Variants in KCNAB1 observed in about 807,000 individuals in gnomAD.
KCNAB1 encodes voltage-gated potassium channel subunit beta-1.
Under a neutral mutation model 64.6 loss-of-function variants are expected in KCNAB1, and 35 were observed. That is an observed-to-expected ratio of 0.54 (90% confidence interval 0.41 to 0.72). The LOEUF is 0.72. Ranked by LOEUF, KCNAB1 falls within the 30% of genes least tolerant of loss-of-function variation. The probability of loss-of-function intolerance (pLI) is 0.00; values close to 1 mark genes in which losing one functional copy is unlikely to be tolerated. For synonymous variants in KCNAB1, 177 were observed against 183.8 expected (o/e 0.96, Z 0.30); for missense variants, 401 against 512.9 (o/e 0.78, Z 2.11).
At chr3:156,410,029 GA>G in intron 1 of KCNAB1, among the ~76,000 whole-genome samples, 1 of 152,272 alleles carries the variant, frequency 6.6e-6, no homozygotes, top group Non-Finnish European at 1.5e-5. Context: ...TGCTGGATTA[GA>G]AAAGAAAACA....
At chr3:156,184,254 TCCGTAA>T (rs995757208) in intron 1 of KCNAB1, among the ~76,000 whole-genome samples, 5 of 152,226 alleles carry the variant, frequency 3.3e-5, no homozygotes, top group African/African-American at 1.2e-4. Context: ...CTGCCTCTAT[TCCGTAA>T]CCACCTTCCA....
intron 1 of KCNAB1, among the ~76,000 whole-genome samples, chr3:156,200,123 C>A (rs1310630717): frequency 6.6e-6 from 1 of 152,196 alleles, no homozygotes; most frequent in African/African-American, 2.4e-5. Context: ...CCACTCCAGA[C>A]CCTGTTTGCC....
intron 4 of KCNAB1, among the ~76,000 whole-genome samples, chr3:156,459,438 T>C (rs1345324875): frequency 6.6e-6 from 1 of 152,134 alleles, no homozygotes; most frequent in African/African-American, 2.4e-5. Flanking sequence ...TGAGGTGTCA[T>C]TGTTCTCCAT....
At chr3:156,217,738 A>G (rs1180608732) in intron 1 of KCNAB1, among the ~76,000 whole-genome samples, 1 of 152,208 alleles carries the variant, frequency 6.6e-6, no homozygotes, top group East Asian at 1.9e-4. Context: ...GATGGCAAAT[A>G]CCTGTTATGG....
In KCNAB1 at chr3:156,479,592, T is replaced by C. The variant is rs9821636; in HGVS notation, c.658+4772T>C. ...CAGCAAGAAGAGGGGACACACTAAC[T>C]TTTCGATCTGAAAATATGATTTTTA... is the stretch of plus-strand genomic sequence containing the variant. On this transcript the variant is annotated intron_variant, in intron 8 of 13. Transcript: ENST00000490337. Among the ~76,000 whole-genome samples, 1,153 of 152,254 alleles carry C rather than the reference T, an allele frequency of 7.6e-3. 15 individuals carry two copies. The highest frequency in any genetic ancestry group is 0.026 in the African/African-American group (1,087 of 41,562).
intron 8 of KCNAB1, among the ~76,000 whole-genome samples, chr3:156,500,281 G>A (rs1281363042): frequency 1.4e-4 from 21 of 152,228 alleles, no homozygotes; most frequent in Admixed American, 1.4e-3. Context: ...TAGCAGAGTG[G>A]AGGGTTAGAC....
At chr3:156,291,778 G>A in intron 1 of KCNAB1, 2 of 1,510,358 alleles carry the variant, frequency 1.3e-6, no homozygotes, top group Non-Finnish European at 1.8e-6. Flanking sequence ...GGACTCCTCT[G>A]ACGGCATCCC....
intron 2 of KCNAB1, among the ~76,000 whole-genome samples, chr3:156,451,834 C>G (rs1216144766): frequency 1.3e-5 from 2 of 152,036 alleles, no homozygotes; most frequent in African/African-American, 4.8e-5. Context: ...AATGTCTGTC[C>G]CTTTCTTCTT....
At chr3:156,450,960 GA>G (rs1711957993) in intron 2 of KCNAB1, among the ~76,000 whole-genome samples, 1 of 143,948 alleles carries the variant, frequency 6.9e-6, no homozygotes, top group South Asian at 2.2e-4. Context: ...TTTACACTAA[GA>G]AAAATATCAG....
At chr3:156,197,876 A>G (rs958111107) in intron 1 of KCNAB1, among the ~76,000 whole-genome samples, 1 of 151,888 alleles carries the variant, frequency 6.6e-6, no homozygotes, top group East Asian at 1.9e-4. Context: ...TTTAATTGCG[A>G]TGTTAGGGTG....
intron 1 of KCNAB1, among the ~76,000 whole-genome samples, chr3:156,405,613 T>G (rs1249262500): frequency 6.6e-6 from 1 of 152,252 alleles, no homozygotes; most frequent in Non-Finnish European, 1.5e-5. Context: ...ATTATTTATA[T>G]TTTTAGTGAC....
intron 1 of KCNAB1, among the ~76,000 whole-genome samples, chr3:156,316,503 T>C (rs1005180128): frequency 2.0e-5 from 3 of 152,236 alleles, no homozygotes; most frequent in Non-Finnish European, 4.4e-5. Context: ...GGGAACTGAT[T>C]GTACTGTACT....
chr3:156,181,634 T>A (rs1712827113), intron 1 of KCNAB1, among the ~76,000 whole-genome samples: 1 of 152,146 alleles, frequency 6.6e-6, no homozygotes, highest in Non-Finnish European at 1.5e-5. Flanking sequence ...GGTAGGTACA[T>A]GAACACAGTG....
chr3:156,398,966 C>A (rs1407691401), intron 1 of KCNAB1, among the ~76,000 whole-genome samples: 1 of 152,190 alleles, frequency 6.6e-6, no homozygotes, highest in African/African-American at 2.4e-5. Context: ...ATTGGCCACC[C>A]AGATGTGTTC....
intron 1 of KCNAB1, among the ~76,000 whole-genome samples, chr3:156,333,117 T>A (rs1723454566): frequency 6.6e-6 from 1 of 152,180 alleles, no homozygotes; most frequent in African/African-American, 2.4e-5. Flanking sequence ...TCCTTCGTCC[T>A]GTCTTACCCT....
intron 1 of KCNAB1, among the ~76,000 whole-genome samples, chr3:156,389,002 C>T (rs1712823120): frequency 6.6e-6 from 1 of 152,142 alleles, no homozygotes; most frequent in Non-Finnish European, 1.5e-5. Context: ...TTGGTAAGTT[C>T]CCTCCCACCA....
At chr3:156,214,333 T>A (rs546526128) in intron 1 of KCNAB1, among the ~76,000 whole-genome samples, 6 of 152,228 alleles carry the variant, frequency 3.9e-5, no homozygotes, top group Admixed American at 3.9e-4. Flanking sequence ...TTGGGGGCAG[T>A]CTTGTGGGAC....
chr3:156,310,269 T>C (rs1721802579), intron 1 of KCNAB1, among the ~76,000 whole-genome samples: 1 of 152,098 alleles, frequency 6.6e-6, no homozygotes, highest in African/African-American at 2.4e-5. Flanking sequence ...AAATCCAAGA[T>C]GGTGATGGAA....
intron 1 of KCNAB1, among the ~76,000 whole-genome samples, chr3:156,161,947 A>G (rs543477122): frequency 6.6e-6 from 1 of 152,366 alleles, no homozygotes; most frequent in African/African-American, 2.4e-5. Flanking sequence ...TATCCATAAT[A>G]GCATGTTTTG....
Sources: allele counts gnomAD v4.1 joint callset (sites outside exome capture counted in the v4.1 genomes callset), GRCh38; gene constraint gnomAD v4.1.1; transcripts MANE v1.5; gene names NCBI Gene and HGNC (gene_info 2026-07-23, HGNC 2026-07-21).